PCDHGB4: variants seen among roughly 807,000 people sequenced by gnomAD.
PCDHGB4 encodes the protein protocadherin gamma-B4.
In PCDHGB4, 38 loss-of-function variants were observed where a neutral mutation model predicts 60.5. The observed-to-expected ratio is 0.63, with a 90% CI of 0.48 to 0.82. The LOEUF is 0.82. Among genes scored for constraint, PCDHGB4 ranks in the 40% least tolerant of loss-of-function variants. The pLI, the probability that PCDHGB4 is intolerant of heterozygous loss-of-function variation, is 0.00. For synonymous variants in PCDHGB4, 456 were observed against 509.7 expected (o/e 0.89, Z 1.42); for missense variants, 1,109 against 1,209.6 (o/e 0.92, Z 1.23).
In PCDHGB4 at chr5:141,487,930, G is replaced by T; in HGVS notation, c.2398-6877G>T. On this transcript the variant is annotated intron_variant, in intron 1 of 3. Coordinates refer to ENST00000519479, the MANE Select transcript of PCDHGB4 (RefSeq NM_003736.4). This position sits in a 1 kb window ranked among gnomAD's most constrained non-coding sequence, Gnocchi z 5.0. Reference sequence around the variant, plus strand: ...GAGCACAGGAGGCTACAGTGCACAGGGTACAGTGCACCAGGCAGTCACTTG... The same window carrying T: ...GAGCACAGGAGGCTACAGTGCACAGTGTACAGTGCACCAGGCAGTCACTTG... 2 of 613,220 alleles carry T rather than the reference G, an allele frequency of 3.3e-6. No homozygotes were observed. Among genetic ancestry groups the T allele is most frequent in the African/African-American group, 1.8e-5 (1 of 54,186 alleles). 38.0% of individuals were successfully genotyped at this position (613,220 alleles called of 1,614,324 possible).
chr5:141,412,898 C>T (rs1300324880), intron 1 of PCDHGB4: 2 of 361,136 alleles, frequency 5.5e-6, no homozygotes, highest in Non-Finnish European at 9.8e-6. Context: ...AGTTTACTTT[C>T]CATTGCATGT....
At chr5:141,401,657 G>T (rs1398256315) in intron 1 of PCDHGB4, among the ~76,000 whole-genome samples, 3 of 152,204 alleles carry the variant, frequency 2.0e-5, no homozygotes, top group Non-Finnish European at 4.4e-5. Context: ...ATGACTGGAT[G>T]TTTTCTCAAC....
At chr5:141,403,334 G>T (rs2094392979) in intron 1 of PCDHGB4, 2 of 1,613,972 alleles carry the variant, frequency 1.2e-6, no homozygotes, top group Non-Finnish European at 1.7e-6. Flanking sequence ...TGATATTAAC[G>T]ACAGCGCCCC....
intron 1 of PCDHGB4, chr5:141,416,834 C>T (rs966016844): frequency 4.6e-5 from 7 of 151,848 alleles, no homozygotes; most frequent in Non-Finnish European, 1.0e-4. Flanking sequence ...TTCTCAAGAC[C>T]CTTATAATTC....
At chr5:141,404,399 G>A in intron 1 of PCDHGB4, 2 of 1,613,896 alleles carry the variant, frequency 1.2e-6, no homozygotes, top group Non-Finnish European at 1.7e-6. Context: ...TGATAGCAAT[G>A]AGAATTCTAG....
Position 141,477,665 on chromosome 5 carries a change from G to T in PCDHGB4, c.2398-17142G>T, listed in dbSNP as rs753814499. ...CTATTTCACAATAAATCGTGACAAT[G>T]GCATAGTGTCATCCTTAGTGCCCCT... is the stretch of plus-strand genomic sequence containing the variant. On this transcript the variant is annotated intron_variant, in intron 1 of 3. Coordinates refer to ENST00000519479, the MANE Select transcript of PCDHGB4 (RefSeq NM_003736.4). The surrounding 1 kb of genome is among the most constrained non-coding windows in gnomAD (Gnocchi z 4.9). 6.2e-7 allele frequency: 1 copy of T among 1,614,182 alleles called. No individual in the cohort carries two copies. The highest frequency in any genetic ancestry group is 8.5e-7 in the Non-Finnish European group (1 of 1,180,038).
At chr5:141,472,620 A>G (rs2099290656) in intron 1 of PCDHGB4, among the ~76,000 whole-genome samples, 1 of 152,136 alleles carries the variant, frequency 6.6e-6, no homozygotes, top group Admixed American at 6.5e-5. Context: ...AGAAGAAAAA[A>G]GATAAAGACT....
intron 1 of PCDHGB4, chr5:141,412,214 A>G (rs1196919276): frequency 6.6e-6 from 1 of 152,196 alleles, no homozygotes; most frequent in African/African-American, 2.4e-5. Context: ...TGACATAAAC[A>G]CTTACTTGTT....
In PCDHGB4 at chr5:141,491,764, C is replaced by T; in HGVS notation, c.2398-3043C>T. The stretch of plus-strand genomic sequence containing the variant: ...CGGCACTGGAGAAGCCGCCCGTCCT[C>T]ATAAGGGATTGAACTTGCATCCACT... On this transcript the variant is annotated intron_variant, in intron 1 of 3. Transcript: ENST00000519479. The surrounding 1 kb of genome is among the most constrained non-coding windows in gnomAD (Gnocchi z 6.9). The T allele has an allele frequency of 6.4e-7, 1 of 1,570,206 alleles. No homozygotes were observed. Among genetic ancestry groups the T allele is most frequent in the Non-Finnish European group, 8.6e-7 (1 of 1,159,296 alleles).
At chr5:141,507,120 T>TA (rs1256499995) in intron 3 of PCDHGB4, 2 of 152,206 alleles carry the variant, frequency 1.3e-5, no homozygotes, top group African/African-American at 4.8e-5. Context: ...TGGCTGCCTT[T>TA]GGATCCAGCC....
intron 1 of PCDHGB4, chr5:141,433,272 C>G (rs1161817377): frequency 8.0e-7 from 1 of 1,252,412 alleles, no homozygotes; most frequent in Non-Finnish European, 1.1e-6. Flanking sequence ...TAGCTCACTG[C>G]AGCCTCAAAC....
At chr5:141,462,020 T>G (rs1371390043) in intron 1 of PCDHGB4, among the ~76,000 whole-genome samples, 6 of 152,110 alleles carry the variant, frequency 3.9e-5, no homozygotes, top group Non-Finnish European at 8.8e-5. Flanking sequence ...ACGGGGTTTC[T>G]TCATGTTGGT....
rs774714581 is a variant in PCDHGB4, at chr5:141,389,088, T to G, written c.1204T>G (p.Leu402Val). ...AACTTCTTCAAGAAACACGTATAAA[T>G]TAGTGACAGATGCTGTTCTAGACCG... Reference protein sequence around the residue: ...ILTSSRNTYKLVTDAVLDREQ... With the variant: ...ILTSSRNTYKVVTDAVLDREQ... Residue 402 changes from leucine (L) to valine (V), a missense_variant, in exon 1 of 4, where the codon TTA becomes GTA. Transcript: ENST00000519479. The G allele has an allele frequency of 1.2e-6, 2 of 1,613,894 alleles. No homozygotes were observed. Among genetic ancestry groups the G allele is most frequent in the Non-Finnish European group, 1.7e-6 (2 of 1,179,894 alleles).
In PCDHGB4 at chr5:141,489,844, C is replaced by A; in HGVS notation, c.2398-4963C>A. 2 of 1,614,148 alleles carry A rather than the reference C, an allele frequency of 1.2e-6. No individual in the cohort carries two copies. Among genetic ancestry groups the A allele is most frequent in the Non-Finnish European group, 1.7e-6 (2 of 1,179,982 alleles). On this transcript the variant is annotated intron_variant, in intron 1 of 3. Coordinates refer to ENST00000519479, the MANE Select transcript of PCDHGB4 (RefSeq NM_003736.4). The surrounding 1 kb of genome is among the most constrained non-coding windows in gnomAD (Gnocchi z 4.5). Reference sequence around the variant, plus strand: ...GCTGGTGCTAGAGCAGCAGCTGGATCGTGAAGCCCAGGCAAGACATCAGCT... The same window carrying A: ...GCTGGTGCTAGAGCAGCAGCTGGATAGTGAAGCCCAGGCAAGACATCAGCT...
Position 141,431,709 on chromosome 5 carries a change from T to G in PCDHGB4, c.2397+41428T>G, listed in dbSNP as rs1561854893. ...CACGAGGAGTCAGGATTCTACCAGA[T>G]GGAAGTGCAAGCAATGGATAATGCA... On this transcript the variant is annotated intron_variant, in intron 1 of 3. Coordinates refer to ENST00000519479, the MANE Select transcript of PCDHGB4 (RefSeq NM_003736.4). The surrounding 1 kb of genome is among the most constrained non-coding windows in gnomAD (Gnocchi z 4.8). The G allele has an allele frequency of 6.2e-7, 1 of 1,614,168 alleles. No individual in the cohort carries two copies. Among genetic ancestry groups the G allele is most frequent in the Middle Eastern group, 1.6e-4 (1 of 6,062 alleles).
At chr5:141,504,306 G>A (rs2099837315) in intron 2 of PCDHGB4, among the ~76,000 whole-genome samples, 1 of 152,076 alleles carries the variant, frequency 6.6e-6, no homozygotes, top group South Asian at 2.1e-4. Context: ...AACACTCGGA[G>A]TTTCTAAAAG....
rs779718690 is a variant in PCDHGB4, at chr5:141,421,727, C to G, written c.2397+31446C>G. ...AGGGATCCAGATGTGGGCGTGAACT[C>G]CCTCCAGAGCTACCAGCTCAGCCCT... On this transcript the variant is annotated intron_variant, in intron 1 of 3. Coordinates refer to ENST00000519479, the MANE Select transcript of PCDHGB4 (RefSeq NM_003736.4). The G allele has an allele frequency of 1.9e-6, 3 of 1,613,916 alleles. No individual in the cohort carries two copies. In the East Asian group the frequency reaches 6.7e-5, roughly 36 times the overall value.
chr5:141,426,978 G>A (rs1383521288), intron 1 of PCDHGB4: 1 of 456,770 alleles, frequency 2.2e-6, no homozygotes, highest in Non-Finnish European at 4.4e-6. Flanking sequence ...TGAGGTCACT[G>A]ATGCCAACGA....
intron 1 of PCDHGB4, among the ~76,000 whole-genome samples, chr5:141,456,882 G>A (rs1039329600): frequency 6.6e-6 from 1 of 152,156 alleles, no homozygotes; most frequent in Non-Finnish European, 1.5e-5. Context: ...AGAATCGCTT[G>A]AACCCGGGAG....
Sources: allele counts gnomAD v4.1 joint callset (sites outside exome capture counted in the v4.1 genomes callset), GRCh38; gene constraint gnomAD v4.1.1; non-coding constraint Gnocchi (gnomAD v3.1); transcripts MANE v1.5; gene names NCBI Gene and HGNC (gene_info 2026-07-23, HGNC 2026-07-21).